The following TASP1 variants were observed in gnomAD, a reference collection of about 807,000 sequenced individuals.
TASP1 encodes taspase 1, also known as threonine aspartase 1.
TASP1 carries 16 observed loss-of-function variants against 56.6 expected under a neutral mutation model. The observed-to-expected ratio is 0.28, with a 90% CI of 0.19 to 0.43. The LOEUF (loss-of-function observed/expected upper bound fraction) is 0.43. TASP1 is among the 20% of genes least tolerant of loss of function. The pLI is 1.00. For missense variants in TASP1, 393 were observed against 511.6 expected, an observed-to-expected ratio of 0.77 and a Z score of 2.24; for synonymous variants, 179 against 184.2, an observed-to-expected ratio of 0.97 and a Z score of 0.23.
At chr20:13,112,924 T>C in the TASP1 span, among the ~76,000 whole-genome samples, 1 of 152,232 alleles carries the variant, frequency 6.6e-6, no homozygotes, top group Non-Finnish European at 1.5e-5. Flanking sequence ...GGCTCATGCC[T>C]GTAATCCTAT....
At chr20:13,571,775 G>C in intron 6 of TASP1, among the ~76,000 whole-genome samples, 1 of 152,116 alleles carries the variant, frequency 6.6e-6, no homozygotes, top group East Asian at 1.9e-4. Context: ...CATGGAATCT[G>C]ATCCTTACCG....
chr20:13,468,137 A>G (rs534495313), intron 11 of TASP1, among the ~76,000 whole-genome samples: 1 of 152,352 alleles, frequency 6.6e-6, no homozygotes, highest in East Asian at 1.9e-4. Flanking sequence ...ATTCCTAATC[A>G]CAAATTCAAA....
At chr20:13,608,398 T>C (rs1360273386) in intron 4 of TASP1, among the ~76,000 whole-genome samples, 1 of 152,122 alleles carries the variant, frequency 6.6e-6, no homozygotes, top group East Asian at 1.9e-4. Context: ...AGGTTAAGAG[T>C]CATTAATTCA....
chr20:13,144,833 G>A, the TASP1 span, among the ~76,000 whole-genome samples: 1 of 152,134 alleles, frequency 6.6e-6, no homozygotes, highest in Non-Finnish European at 1.5e-5. Context: ...GGAGTGCAGT[G>A]GCGCAATCTT....
At chr20:13,532,757 A>G (rs1428944601) in intron 9 of TASP1, among the ~76,000 whole-genome samples, 3 of 152,170 alleles carry the variant, frequency 2.0e-5, no homozygotes, top group Non-Finnish European at 4.4e-5. Context: ...TGAGAAAGTC[A>G]TGGGGACTAT....
chr20:13,490,623 T>G (rs1229461040), intron 10 of TASP1, among the ~76,000 whole-genome samples: 1 of 152,138 alleles, frequency 6.6e-6, no homozygotes, highest in Non-Finnish European at 1.5e-5. Flanking sequence ...GAGGACAGCT[T>G]GCACATTTTA....
At chr20:13,213,311 G>T in the TASP1 span, among the ~76,000 whole-genome samples, 2 of 151,698 alleles carry the variant, frequency 1.3e-5, no homozygotes, top group Non-Finnish European at 2.9e-5. Flanking sequence ...TAAAGCTAAG[G>T]TATTTATTAT....
the TASP1 span, among the ~76,000 whole-genome samples, chr20:13,322,568 G>C: frequency 6.6e-6 from 1 of 152,190 alleles, no homozygotes; most frequent in Non-Finnish European, 1.5e-5. Context: ...AGATTTCAAA[G>C]AGGAAGACGT....
chr20:13,133,023 T>C, the TASP1 span: 1 of 152,618 alleles, frequency 6.6e-6, no homozygotes. Context: ...CTCTGCCAGA[T>C]TAAACTTGAT....
At chr20:13,355,658 C>T in the TASP1 span, among the ~76,000 whole-genome samples, 1 of 152,220 alleles carries the variant, frequency 6.6e-6, no homozygotes, top group Non-Finnish European at 1.5e-5. Flanking sequence ...GTATGTCAAG[C>T]CCTGGCTGCA....
the TASP1 span, among the ~76,000 whole-genome samples, chr20:13,118,874 C>T: frequency 6.6e-6 from 1 of 152,250 alleles, no homozygotes; most frequent in Non-Finnish European, 1.5e-5. Flanking sequence ...ACTGGCCCTG[C>T]CATGAAATGC....
chr20:13,110,320 A>G, the TASP1 span: 3 of 960,200 alleles, frequency 3.1e-6, no homozygotes, highest in Non-Finnish European at 4.7e-6. Context: ...ATGACTTAGA[A>G]TTGGTTATAT....
intron 4 of TASP1, among the ~76,000 whole-genome samples, chr20:13,604,585 C>T (rs1036183248): frequency 6.6e-6 from 1 of 152,158 alleles, no homozygotes; most frequent in African/African-American, 2.4e-5. Context: ...GCGAAAGCAA[C>T]TAATACAGCA....
At chr20:13,529,516 A>G (rs2045126501) in intron 9 of TASP1, among the ~76,000 whole-genome samples, 1 of 152,232 alleles carries the variant, frequency 6.6e-6, no homozygotes, top group African/African-American at 2.4e-5. Flanking sequence ...ATCAGTGAGG[A>G]AATGGCTAAA....
the TASP1 span, among the ~76,000 whole-genome samples, chr20:13,345,242 G>A: frequency 6.6e-6 from 1 of 152,302 alleles, no homozygotes; most frequent in South Asian, 2.1e-4. Flanking sequence ...GTCCTGATTT[G>A]TATGCATATT....
intron 9 of TASP1, among the ~76,000 whole-genome samples, chr20:13,530,591 G>A (rs2045183711): frequency 6.6e-6 from 1 of 152,140 alleles, no homozygotes; most frequent in South Asian, 2.1e-4. Flanking sequence ...CCAGTAGCCT[G>A]CACTCAAAAA....
At chr20:13,155,774 C>T in the TASP1 span, among the ~76,000 whole-genome samples, 2 of 151,922 alleles carry the variant, frequency 1.3e-5, no homozygotes, top group Non-Finnish European at 1.5e-5. Context: ...TGCAGTGAGC[C>T]GAGATTGCAC....
the TASP1 span, among the ~76,000 whole-genome samples, chr20:13,379,209 G>T: frequency 2.6e-5 from 4 of 152,290 alleles, no homozygotes; most frequent in South Asian, 8.3e-4. Flanking sequence ...GCAGTGGCTG[G>T]TATTGGTTTT....
chr20:13,282,259 T>G, the TASP1 span, among the ~76,000 whole-genome samples: 1 of 152,212 alleles, frequency 6.6e-6, no homozygotes, highest in Non-Finnish European at 1.5e-5. Flanking sequence ...GACTTCATTG[T>G]TCAGCCCGGG....
Sources: gnomAD v4.1 joint callset for allele counts (sites outside exome capture counted in the v4.1 genomes callset) on GRCh38, gnomAD v4.1.1 for gene constraint, MANE v1.5 for transcripts, NCBI Gene and HGNC (gene_info 2026-07-23, HGNC 2026-07-21) for gene names.